Variants in PPP2R5A observed in about 807,000 individuals in gnomAD.
PPP2R5A encodes protein phosphatase 2 regulatory subunit B'alpha.
Under a neutral mutation model 64.2 loss-of-function variants are expected in PPP2R5A, and 25 were observed. The observed-to-expected ratio is 0.39, with a 90% CI of 0.28 to 0.54. The LOEUF (loss-of-function observed/expected upper bound fraction) is 0.54. Among genes scored for constraint, PPP2R5A ranks in the 20% least tolerant of loss-of-function variants. The pLI, the probability that PPP2R5A is intolerant of heterozygous loss-of-function variation, is 0.67. For missense variants in PPP2R5A, 425 were observed against 576.3 expected (o/e 0.74, Z 2.69); for synonymous variants, 198 against 201.2 (o/e 0.98, Z 0.13).
chr1:212,287,321 C>T (rs748590188), intron 1 of PPP2R5A, among the ~76,000 whole-genome samples: 5 of 152,156 alleles, frequency 3.3e-5, no homozygotes, highest in Non-Finnish European at 5.9e-5. Flanking sequence ...TGCAACCTGA[C>T]GGAAATCCCT....
At chr1:212,301,817 C>A in intron 1 of PPP2R5A, 1 of 1,210,116 alleles carries the variant, frequency 8.3e-7, no homozygotes, top group Non-Finnish European at 1.0e-6. Context: ...TGATACAGTG[C>A]TTGTTCTATA....
intron 1 of PPP2R5A, among the ~76,000 whole-genome samples, chr1:212,291,993 C>G (rs1658609407): frequency 6.6e-6 from 1 of 152,182 alleles, no homozygotes; most frequent in Admixed American, 6.5e-5. Flanking sequence ...CAACACTGTT[C>G]TGTTTCTTGA....
chr1:212,350,874 A>G (rs1488321855), intron 8 of PPP2R5A, among the ~76,000 whole-genome samples: 3 of 151,652 alleles, frequency 2.0e-5, no homozygotes, highest in Admixed American at 6.6e-5. Flanking sequence ...ATGGTGGTTC[A>G]TGCCTGTAAT....
intron 1 of PPP2R5A, among the ~76,000 whole-genome samples, chr1:212,291,767 G>C (rs351399): frequency 0.05 from 7,570 of 152,234 alleles, 333 homozygotes; most frequent in African/African-American, 0.12. Flanking sequence ...GGTATGATGG[G>C]ATGATTCTAC....
intron 1 of PPP2R5A, among the ~76,000 whole-genome samples, chr1:212,319,947 G>GTTTTTTT (rs71137742): frequency 1.6e-4 from 17 of 103,376 alleles, no homozygotes; most frequent in East Asian, 2.6e-4. Context: ...CTTACAGATT[G>GTTTTTTT]TTTTTTTTTT....
chr1:212,345,526 G>A (rs1659762106), intron 4 of PPP2R5A, among the ~76,000 whole-genome samples: 1 of 152,086 alleles, frequency 6.6e-6, no homozygotes, highest in Admixed American at 6.6e-5. Context: ...TCAAGAGTAG[G>A]ATTGAATTTT....
chr1:212,289,899 G>A (rs1266668149), intron 1 of PPP2R5A, among the ~76,000 whole-genome samples: 1 of 152,164 alleles, frequency 6.6e-6, no homozygotes, highest in Non-Finnish European at 1.5e-5. Context: ...TTCAGCACGA[G>A]TGTAGAAATG....
intron 1 of PPP2R5A, among the ~76,000 whole-genome samples, chr1:212,322,201 T>G (rs1294666031): frequency 1.3e-5 from 1 of 75,388 alleles, no homozygotes; most frequent in African/African-American, 4.3e-5. Flanking sequence ...AGGGAGACCG[T>G]GGGGAGAGGG....
chr1:212,356,589 G>T, intron 8 of PPP2R5A, 37 bp from the exon 9 acceptor site: 2 of 1,593,488 alleles, frequency 1.3e-6, no homozygotes, highest in East Asian at 2.2e-5. Context: ...AACTAGCTTT[G>T]TTATTAAATT....
chr1:212,323,665 A>T (rs1409132405), intron 1 of PPP2R5A, among the ~76,000 whole-genome samples: 2 of 152,222 alleles, frequency 1.3e-5, no homozygotes, highest in African/African-American at 2.4e-5. Flanking sequence ...ACAAATTTAA[A>T]TGCATCTTTT....
chr1:212,321,313 GA>G (rs1659285249), intron 1 of PPP2R5A, among the ~76,000 whole-genome samples: 2 of 145,622 alleles, frequency 1.4e-5, no homozygotes, highest in South Asian at 2.2e-4. Context: ...CTGGCCGGGC[GA>G]GGGGCTGACC....
At chr1:212,308,424 T>G (rs1658960973) in intron 1 of PPP2R5A, among the ~76,000 whole-genome samples, 1 of 150,894 alleles carries the variant, frequency 6.6e-6, no homozygotes, top group South Asian at 2.1e-4. Flanking sequence ...TTTTTTTTTT[T>G]TTGAGATGGA....
intron 1 of PPP2R5A, among the ~76,000 whole-genome samples, chr1:212,318,502 C>A (rs916754831): frequency 1.3e-5 from 2 of 152,142 alleles, no homozygotes; most frequent in Non-Finnish European, 2.9e-5. Flanking sequence ...CAGGTTATTA[C>A]ATATATTAAG....
At chr1:212,304,607 G>C (rs1658862081) in intron 1 of PPP2R5A, among the ~76,000 whole-genome samples, 1 of 152,086 alleles carries the variant, frequency 6.6e-6, no homozygotes, top group Non-Finnish European at 1.5e-5. Context: ...TGAGTGCAGT[G>C]GCCGTTCACA....
chr1:212,342,907 T>A (rs900798685), intron 4 of PPP2R5A, among the ~76,000 whole-genome samples: 1 of 152,168 alleles, frequency 6.6e-6, no homozygotes, highest in African/African-American at 2.4e-5. Flanking sequence ...ATTCACAATT[T>A]CTAAGAATAT....
intron 12 of PPP2R5A, among the ~76,000 whole-genome samples, chr1:212,359,761 G>A (rs959511629): frequency 6.6e-6 from 1 of 152,152 alleles, no homozygotes; most frequent in South Asian, 2.1e-4. Context: ...CTAACTCAAT[G>A]CATTATTTCC....
At chr1:212,347,438 T>C (rs1330276078) in intron 6 of PPP2R5A, 32 bp downstream of exon 6, 2 of 1,467,810 alleles carry the variant, frequency 1.4e-6, no homozygotes, top group Non-Finnish European at 1.9e-6. Flanking sequence ...TTTTTAAGAA[T>C]TAAGTAAGTG....
chr1:212,347,478 G>C (rs562146823), intron 6 of PPP2R5A, 72 bp downstream of exon 6: 12 of 1,159,454 alleles, frequency 1.0e-5, no homozygotes, highest in Non-Finnish European at 1.4e-5. Flanking sequence ...TCTTAGCTGG[G>C]GTTGGAGAAA....
chr1:212,292,596 A>G (rs965672408), intron 1 of PPP2R5A, among the ~76,000 whole-genome samples: 2 of 152,136 alleles, frequency 1.3e-5, no homozygotes, highest in Non-Finnish European at 2.9e-5. Context: ...TTTTTGAGAC[A>G]GGGTCTTGCT....
Sources: allele counts gnomAD v4.1 joint callset (sites outside exome capture counted in the v4.1 genomes callset), GRCh38; gene constraint gnomAD v4.1.1; transcripts MANE v1.5; gene names NCBI Gene and HGNC (gene_info 2026-07-23, HGNC 2026-07-21).